Variants in ATP8A2 observed in about 807,000 individuals in gnomAD.
ATP8A2 encodes ATPase phospholipid transporting 8A2, also known as phospholipid-transporting ATPase IB.
Under a neutral mutation model 165.6 loss-of-function variants are expected in ATP8A2, and 100 were observed. The ratio of observed to expected loss-of-function variants is 0.60; its 90% CI spans 0.51 to 0.71. The LOEUF is 0.71. Among genes scored for constraint, ATP8A2 ranks in the 30% least tolerant of loss-of-function variants. The pLI is 0.00. For missense variants in ATP8A2, 1,227 were observed against 1,479.5 expected (o/e 0.83, Z 2.80); for synonymous variants, 543 against 548.8 (o/e 0.99, Z 0.15).
At chr13:25,520,603 T>TG (rs1339625738) in intron 2 of ATP8A2, among the ~76,000 whole-genome samples, 8 of 146,138 alleles carry the variant, frequency 5.5e-5, no homozygotes, top group Non-Finnish European at 1.0e-4. Flanking sequence ...TTTTTTTTTT[T>TG]TTGTTTTTTT....
At chr13:25,792,872 T>C (rs1427799302) in intron 27 of ATP8A2, among the ~76,000 whole-genome samples, 1 of 150,634 alleles carries the variant, frequency 6.6e-6, no homozygotes, top group Non-Finnish European at 1.5e-5. Flanking sequence ...TGCAGTGAGC[T>C]ATGATCACAG....
intron 25 of ATP8A2, among the ~76,000 whole-genome samples, chr13:25,705,637 C>T (rs557379994): frequency 6.6e-6 from 1 of 152,146 alleles, no homozygotes; most frequent in Non-Finnish European, 1.5e-5. Context: ...TTTAAAAAGA[C>T]TTCTTGGGTT....
chr13:25,752,367 A>G (rs1287588980), intron 25 of ATP8A2, among the ~76,000 whole-genome samples: 1 of 152,148 alleles, frequency 6.6e-6, no homozygotes, highest in East Asian at 1.9e-4. Flanking sequence ...GGACTGAGGC[A>G]GGAGAATCGC....
intron 27 of ATP8A2, among the ~76,000 whole-genome samples, chr13:25,780,132 A>C (rs553142591): frequency 6.6e-6 from 1 of 152,200 alleles, no homozygotes; most frequent in Non-Finnish European, 1.5e-5. Flanking sequence ...AATAATAGGG[A>C]CATTACTTGA....
At chr13:25,646,141 T>C (rs772123453) in intron 24 of ATP8A2, among the ~76,000 whole-genome samples, 2 of 152,200 alleles carry the variant, frequency 1.3e-5, no homozygotes, top group African/African-American at 2.4e-5. Flanking sequence ...TCTTGATGAA[T>C]TGAACCCATT....
intron 1 of ATP8A2, among the ~76,000 whole-genome samples, chr13:25,435,101 G>A (rs1179422249): frequency 6.6e-6 from 1 of 151,958 alleles, no homozygotes; most frequent in African/African-American, 2.4e-5. Flanking sequence ...TGAACTCTAG[G>A]AGTTCCTGGG....
chr13:25,802,897 A>G (rs1950650803), intron 27 of ATP8A2, among the ~76,000 whole-genome samples: 1 of 152,164 alleles, frequency 6.6e-6, no homozygotes, highest in Non-Finnish European at 1.5e-5. Context: ...GCGCACAGAA[A>G]ATAAGGGAGC....
intron 34 of ATP8A2, among the ~76,000 whole-genome samples, chr13:25,966,409 T>A (rs1458794126): frequency 6.6e-6 from 1 of 152,194 alleles, no homozygotes; most frequent in Admixed American, 6.5e-5. Context: ...ACATGTAGCC[T>A]TTAGACAGGG....
intron 2 of ATP8A2, among the ~76,000 whole-genome samples, chr13:25,480,071 G>C (rs1302325465): frequency 6.6e-6 from 1 of 151,700 alleles, no homozygotes; most frequent in Non-Finnish European, 1.5e-5. Context: ...GGGGCGGCTG[G>C]GCAGAGGCGC....
At chr13:25,626,218 A>C (rs898275580) in intron 24 of ATP8A2, among the ~76,000 whole-genome samples, 1 of 152,176 alleles carries the variant, frequency 6.6e-6, no homozygotes, top group African/African-American at 2.4e-5. Flanking sequence ...CTGTTGCTAT[A>C]ACAAAATGCC....
chr13:26,000,790 G>A (rs1419821017), intron 35 of ATP8A2, among the ~76,000 whole-genome samples: 2 of 151,272 alleles, frequency 1.3e-5, no homozygotes, highest in South Asian at 2.1e-4. Flanking sequence ...ATTACCAACA[G>A]CTCATGTGAT....
chr13:25,541,875 A>G (rs758477168), intron 8 of ATP8A2, 44 bp from the exon 9 acceptor site: 2 of 1,611,796 alleles, frequency 1.2e-6, no homozygotes, highest in South Asian at 1.1e-5. Flanking sequence ...GTCCCTAAGC[A>G]CAGAAGATTG....
chr13:25,853,522 G>A (rs1391022562), intron 30 of ATP8A2, among the ~76,000 whole-genome samples: 1 of 151,504 alleles, frequency 6.6e-6, no homozygotes, highest in African/African-American at 2.4e-5. Flanking sequence ...TACTTTGTAT[G>A]TTTTAGTCCC....
chr13:25,877,538 T>G (rs1952849440), intron 33 of ATP8A2, among the ~76,000 whole-genome samples: 1 of 152,224 alleles, frequency 6.6e-6, no homozygotes, highest in Non-Finnish European at 1.5e-5. Flanking sequence ...AAGTTAGTTC[T>G]TAGTTGTCTT....
chr13:25,949,730 T>C (rs1355747538), intron 33 of ATP8A2, among the ~76,000 whole-genome samples: 5 of 152,306 alleles, frequency 3.3e-5, no homozygotes, highest in East Asian at 1.9e-4. Context: ...ACACGGAAGA[T>C]AGAGACTGCA....
At chr13:25,730,908 C>T (rs552578904) in intron 25 of ATP8A2, among the ~76,000 whole-genome samples, 1 of 151,974 alleles carries the variant, frequency 6.6e-6, no homozygotes, top group South Asian at 2.1e-4. Context: ...AGACCTGTCT[C>T]TACAAAAACT....
chr13:25,682,241 C>T (rs1355663619), intron 24 of ATP8A2, among the ~76,000 whole-genome samples: 1 of 152,086 alleles, frequency 6.6e-6, no homozygotes, highest in Non-Finnish European at 1.5e-5. Context: ...TCTTCTTGAC[C>T]TTCCACTCTT....
chr13:25,412,750 G>A (rs925469291), intron 1 of ATP8A2, among the ~76,000 whole-genome samples: 11 of 152,186 alleles, frequency 7.2e-5, no homozygotes, highest in Non-Finnish European at 1.5e-4. Flanking sequence ...TCACCCACCA[G>A]CCTGTTCCTT....
intron 33 of ATP8A2, among the ~76,000 whole-genome samples, chr13:25,933,770 C>T (rs995326744): frequency 1.3e-5 from 2 of 152,260 alleles, no homozygotes; most frequent in Non-Finnish European, 2.9e-5. Flanking sequence ...ACGGGACTGG[C>T]TTACCCAGAG....
Sources: allele counts gnomAD v4.1 joint callset (sites outside exome capture counted in the v4.1 genomes callset), GRCh38; gene constraint gnomAD v4.1.1; transcripts MANE v1.5; gene names NCBI Gene and HGNC (gene_info 2026-07-23, HGNC 2026-07-21).